Variants in MAP4K4 observed in about 807,000 individuals in gnomAD.
MAP4K4 encodes mitogen-activated protein kinase kinase kinase kinase 4.
MAP4K4 carries 38 observed loss-of-function variants against 189.6 expected under a neutral mutation model. That is an observed-to-expected ratio of 0.20 (90% CI 0.15 to 0.26). The LOEUF (loss-of-function observed/expected upper bound fraction) is 0.26, where lower values mean the gene tolerates loss of function less well. Among genes scored for constraint, MAP4K4 ranks in the 10% least tolerant of loss-of-function variants. The pLI is 1.00. For missense variants in MAP4K4, 1,054 were observed against 1,726.9 expected, an observed-to-expected ratio of 0.61 and a Z score of 6.91; for synonymous variants, 610 against 624.3, an observed-to-expected ratio of 0.98 and a Z score of 0.34.
intron 3 of MAP4K4, chr2:101,797,163 C>G (rs1051914809): frequency 8.5e-7 from 1 of 1,177,916 alleles, no homozygotes; most frequent in South Asian, 1.4e-5. Flanking sequence ...ATGTGTTGTT[C>G]TTGTCTAGAC....
chr2:101,830,273 G>A (rs911212701), intron 6 of MAP4K4, among the ~76,000 whole-genome samples: 4 of 152,090 alleles, frequency 2.6e-5, no homozygotes, highest in African/African-American at 9.7e-5. Flanking sequence ...GTATTACCCA[G>A]CATCTAGCAT....
intron 28 of MAP4K4, 100 bp from the exon 29 acceptor site, chr2:101,885,087 G>A (rs529962424): frequency 3.8e-6 from 2 of 519,568 alleles, no homozygotes; most frequent in African/African-American, 1.9e-5. Context: ...ATGAATAGAA[G>A]GCATATTTAT....
intron 10 of MAP4K4, among the ~76,000 whole-genome samples, chr2:101,840,297 G>T (rs2096877322): frequency 6.6e-6 from 1 of 152,124 alleles, no homozygotes; most frequent in African/African-American, 2.4e-5. Flanking sequence ...ATGTGTTCAT[G>T]GTATATTTCA....
At chr2:101,886,418 T>C (rs1167372713) in intron 29 of MAP4K4, among the ~76,000 whole-genome samples, 1 of 151,988 alleles carries the variant, frequency 6.6e-6, no homozygotes, top group Admixed American at 6.6e-5. Flanking sequence ...TGATACAATT[T>C]TCAGTGTGTG....
chr2:101,813,283 C>T (rs1439948660), intron 3 of MAP4K4, among the ~76,000 whole-genome samples: 1 of 151,972 alleles, frequency 6.6e-6, no homozygotes, highest in African/African-American at 2.4e-5. Flanking sequence ...AAATTATTTT[C>T]TGATAAAATA....
In MAP4K4 at chr2:101,732,161, C is replaced by T. The variant is rs1005014589; in HGVS notation, c.123+33623C>T. Among the ~76,000 whole-genome samples the T allele has an allele frequency of 2.6e-5, 4 of 151,968 alleles. No individual in the cohort carries two copies. In the East Asian group the frequency reaches 7.7e-4, roughly 29 times the overall value. ...GGGAGATGAAATGGGCTTAGAAAACCCACAGAAGTAGCTGGTGTGTAATTT... is the reference window on the plus strand; with the variant it reads ...GGGAGATGAAATGGGCTTAGAAAACTCACAGAAGTAGCTGGTGTGTAATTT... On this transcript the variant is annotated intron_variant, in intron 2 of 32. Transcript: ENST00000324219.
intron 2 of MAP4K4, among the ~76,000 whole-genome samples, chr2:101,774,700 CT>C (rs2083091011): frequency 1.3e-5 from 2 of 152,074 alleles, no homozygotes; most frequent in African/African-American, 4.8e-5. Flanking sequence ...ACTTAGTTTT[CT>C]TTTGATATAC....
At chr2:101,795,381 C>G (rs999741511) in intron 3 of MAP4K4, among the ~76,000 whole-genome samples, 2 of 152,178 alleles carry the variant, frequency 1.3e-5, no homozygotes, top group Non-Finnish European at 2.9e-5. Flanking sequence ...CCTACCTACC[C>G]CTTCCCTTCT....
chr2:101,792,365 A>G (rs1215759608), intron 3 of MAP4K4, among the ~76,000 whole-genome samples: 1 of 152,084 alleles, frequency 6.6e-6, no homozygotes, highest in Non-Finnish European at 1.5e-5. Context: ...GTGTCATTCA[A>G]CCTGTGCTGC....
chr2:101,821,557 G>A (rs141818277), intron 3 of MAP4K4, among the ~76,000 whole-genome samples: 371 of 152,294 alleles, frequency 2.4e-3, no homozygotes, highest in African/African-American at 8.6e-3. Flanking sequence ...ATAAAAAGTG[G>A]TATTTCCGCA....
chr2:101,698,605 G>A, intron 2 of MAP4K4, 67 bp downstream of exon 2: 1 of 1,486,180 alleles, frequency 6.7e-7, no homozygotes, highest in Non-Finnish European at 9.4e-7. Context: ...ACGAGGAGAG[G>A]GTGATAAACA....
intron 26 of MAP4K4, among the ~76,000 whole-genome samples, chr2:101,874,726 A>G (rs1042697846): frequency 6.6e-6 from 1 of 152,204 alleles, no homozygotes; most frequent in Non-Finnish European, 1.5e-5. Flanking sequence ...CATGCTTGTA[A>G]TTTCCAAGTA....
chr2:101,804,945 G>A (rs1000311909), intron 3 of MAP4K4, among the ~76,000 whole-genome samples: 7 of 151,826 alleles, frequency 4.6e-5, no homozygotes, highest in African/African-American at 1.5e-4. Flanking sequence ...GTGGTGGCAC[G>A]TGACTGTAAT....
chr2:101,826,575 A>G (rs934855771), intron 5 of MAP4K4, among the ~76,000 whole-genome samples: 1 of 152,176 alleles, frequency 6.6e-6, no homozygotes, highest in Non-Finnish European at 1.5e-5. Context: ...GAAGTCAGGT[A>G]CTGGGCCAGA....
At chr2:101,716,179 C>T (rs1198790041) in intron 2 of MAP4K4, among the ~76,000 whole-genome samples, 1 of 152,228 alleles carries the variant, frequency 6.6e-6, no homozygotes, top group Non-Finnish European at 1.5e-5. Context: ...GGCCGTGGCT[C>T]ACGCCTGTAA....
At chr2:101,873,796 CAA>C (rs2098121094) in intron 25 of MAP4K4, 32 bp downstream of exon 25, 1 of 1,448,018 alleles carries the variant, frequency 6.9e-7, no homozygotes, top group Non-Finnish European at 9.6e-7. Flanking sequence ...AAGCAGCTGA[CAA>C]ATGGGACTTT....
chr2:101,825,529 A>G (rs767382105), intron 5 of MAP4K4, 100 bp downstream of exon 5: 17 of 638,138 alleles, frequency 2.7e-5, no homozygotes, highest in African/African-American at 3.8e-5. Context: ...TTATATCTAT[A>G]TAGATTATTC....
chr2:101,721,370 A>G (rs1559089220), intron 2 of MAP4K4, among the ~76,000 whole-genome samples: 1 of 151,934 alleles, frequency 6.6e-6, no homozygotes, highest in Non-Finnish European at 1.5e-5. Context: ...CTGATTGGGC[A>G]GGACAAGAAA....
chr2:101,793,588 T>A (rs2093295204), intron 3 of MAP4K4, among the ~76,000 whole-genome samples: 2 of 151,068 alleles, frequency 1.3e-5, no homozygotes, highest in South Asian at 2.1e-4. Context: ...TTTTTTTTTT[T>A]ACCTCCACTT....
Sources: allele counts gnomAD v4.1 joint callset (sites outside exome capture counted in the v4.1 genomes callset), GRCh38; gene constraint gnomAD v4.1.1; transcripts MANE v1.5; gene names NCBI Gene and HGNC (gene_info 2026-07-23, HGNC 2026-07-21).